Variants in TTC17 observed in about 807,000 individuals in gnomAD.
TTC17 encodes tetratricopeptide repeat domain 17.
A neutral mutation model predicts 143.8 loss-of-function variants in TTC17; 58 were observed. That is an observed-to-expected ratio of 0.40 (90% CI 0.33 to 0.50). The LOEUF is 0.50. Ranked by LOEUF, TTC17 falls within the 20% of genes least tolerant of loss-of-function variation. The pLI, the probability that TTC17 is intolerant of heterozygous loss-of-function variation, is 0.49. For missense variants in TTC17, 1,273 were observed against 1,392.5 expected (o/e 0.91, Z 1.37); for synonymous variants, 501 against 497.8 (o/e 1.01, Z -0.09).
At position 43,391,822 on chromosome 11, in the gene TTC17, G is replaced by C. The variant is rs746863171; in HGVS notation, c.533G>C (p.Gly178Ala). 6.2e-7 allele frequency: 1 copy of C among 1,611,866 alleles called. No homozygotes were observed. Among genetic ancestry groups the C allele is most frequent in the Non-Finnish European group, 8.5e-7 (1 of 1,179,518 alleles). Residue 178 changes from glycine (G) to alanine (A), a missense_variant and splice_region_variant, in exon 5 of 24, where the codon GGT becomes GCT. Gly to Ala is a moderately conservative substitution (Grantham distance 60). Around this residue, in one of 3 missense-constraint regions of TTC17, gnomAD observed 325 missense variants for 444.2 expected, o/e 0.73. Transcript: ENST00000039989. ...YSIHAFQHLR[G>A]VQERVNLSAP... ...TTTGAATCTTTTTCTTCTCTTCAGG[G>C]TGTACAGGAGAGAGTTAATCTTTCT...
intron 21 of TTC17, among the ~76,000 whole-genome samples, chr11:43,485,828 G>A (rs374096458): frequency 1.3e-5 from 2 of 150,750 alleles, no homozygotes; most frequent in Non-Finnish European, 2.9e-5. Context: ...TGTGAATGGG[G>A]TTGTATGTTG....
chr11:43,430,274 A>G (rs761467574), intron 16 of TTC17, among the ~76,000 whole-genome samples: 14 of 152,074 alleles, frequency 9.2e-5, no homozygotes, highest in Non-Finnish European at 1.9e-4. Context: ...CAAAAATTAC[A>G]AAAATTAGCC....
chr11:43,483,478 G>T (rs1324635273), intron 21 of TTC17, among the ~76,000 whole-genome samples: 1 of 152,040 alleles, frequency 6.6e-6, no homozygotes, highest in African/African-American at 2.4e-5. Flanking sequence ...TAAGCAAAAT[G>T]TTAACAGACT....
intron 2 of TTC17, among the ~76,000 whole-genome samples, chr11:43,383,718 A>G (rs1012706297): frequency 7.2e-5 from 11 of 152,110 alleles, no homozygotes; most frequent in African/African-American, 2.7e-4. Context: ...TTGAATGCAG[A>G]CTGAATATTT....
chr11:43,467,662 A>G (rs1590472464), intron 21 of TTC17, among the ~76,000 whole-genome samples: 1 of 152,218 alleles, frequency 6.6e-6, no homozygotes, highest in African/African-American at 2.4e-5. Flanking sequence ...ATGCGTTTTC[A>G]CTACAATAAC....
At chr11:43,390,091 A>G (rs1008130440) in intron 3 of TTC17, among the ~76,000 whole-genome samples, 1 of 152,098 alleles carries the variant, frequency 6.6e-6, no homozygotes, top group East Asian at 1.9e-4. Context: ...AAGATTGCCA[A>G]CAGCCAGGAG....
At chr11:43,399,647 C>A (rs1443545050) in intron 8 of TTC17, among the ~76,000 whole-genome samples, 1 of 152,136 alleles carries the variant, frequency 6.6e-6, no homozygotes, top group Non-Finnish European at 1.5e-5. Flanking sequence ...TCAGGCCTCT[C>A]CATCCAGCCT....
At position 43,381,368 on chromosome 11, in the gene TTC17, T is replaced by C. The variant is rs538654573; in HGVS notation, c.249+2046T>C. Among the ~76,000 whole-genome samples, 20 of 152,262 alleles carry C rather than the reference T, an allele frequency of 1.3e-4. No individual in the cohort carries two copies. In the East Asian group the frequency reaches 3.7e-3, roughly 28 times the overall value. Reference sequence around the variant, plus strand: ...GAATGTGGCCAAAGCTACCGACCTTTTGGGCTCCAAGGCCAGGAGCAGACT... The same window carrying C: ...GAATGTGGCCAAAGCTACCGACCTTCTGGGCTCCAAGGCCAGGAGCAGACT... On this transcript the variant is annotated intron_variant, in intron 2 of 23. Transcript: ENST00000039989.
At chr11:43,365,784 A>C (rs1477041469) in intron 1 of TTC17, among the ~76,000 whole-genome samples, 2 of 152,216 alleles carry the variant, frequency 1.3e-5, no homozygotes, top group Admixed American at 6.5e-5. Context: ...CATTTTTATC[A>C]AACTCCTTGG....
At chr11:43,443,235 A>G in intron 16 of TTC17, 90 bp from the exon 17 acceptor site, 1 of 1,509,776 alleles carries the variant, frequency 6.6e-7, no homozygotes, top group East Asian at 2.3e-5. Context: ...GCAGAGCCAA[A>G]ACGTTTCTCC....
intron 1 of TTC17, among the ~76,000 whole-genome samples, chr11:43,364,996 G>C (rs551813924): frequency 1.1e-4 from 16 of 151,838 alleles, no homozygotes; most frequent in African/African-American, 3.9e-4. Flanking sequence ...GTAGAGACAG[G>C]GTTTCTCCTG....
intron 1 of TTC17, among the ~76,000 whole-genome samples, chr11:43,375,646 A>G (rs972791650): frequency 1.4e-5 from 2 of 144,814 alleles, no homozygotes; most frequent in Non-Finnish European, 3.0e-5. Context: ...AATACCATTT[A>G]AAAAAAAAAA....
chr11:43,399,856 C>CT (rs1241448169), intron 8 of TTC17, 32 bp from the exon 9 acceptor site: 5 of 1,570,380 alleles, frequency 3.2e-6, no homozygotes, highest in Non-Finnish European at 4.3e-6. Flanking sequence ...TTTTATAGCT[C>CT]TAACTTTTTC....
chr11:43,484,797 G>A (rs1240753670), intron 21 of TTC17, among the ~76,000 whole-genome samples: 5 of 152,256 alleles, frequency 3.3e-5, no homozygotes, highest in Middle Eastern at 3.4e-3. Flanking sequence ...CCCAGGCCAC[G>A]GATGGGTACT....
At chr11:43,377,829 T>A (rs1856818496) in intron 1 of TTC17, among the ~76,000 whole-genome samples, 1 of 152,230 alleles carries the variant, frequency 6.6e-6, no homozygotes, top group Non-Finnish European at 1.5e-5. Flanking sequence ...TTTATCTCAT[T>A]TTTTCTTTCT....
intron 18 of TTC17, 145 bp from the exon 19 acceptor site, chr11:43,447,857 C>A (rs1947577743): frequency 1.0e-6 from 1 of 956,404 alleles, no homozygotes; most frequent in Non-Finnish European, 1.5e-6. Context: ...TTAATTAGAT[C>A]ATAGATGGGG....
intron 5 of TTC17, among the ~76,000 whole-genome samples, chr11:43,393,078 C>G (rs1450165664): frequency 6.6e-6 from 1 of 152,214 alleles, no homozygotes; most frequent in Non-Finnish European, 1.5e-5. Flanking sequence ...ACACTTCTGA[C>G]ACCAAATGTA....
chr11:43,422,180 TGAAA>T (rs1186939928), intron 16 of TTC17, among the ~76,000 whole-genome samples: 5 of 152,000 alleles, frequency 3.3e-5, no homozygotes, highest in African/African-American at 4.8e-5. Context: ...ATATGGGAAA[TGAAA>T]GAAAGAGAGG....
rs1238013174 is a variant in TTC17 at position 43,391,898 on chromosome 11, G to A, written c.609G>A (p.Arg203=). 3.1e-6 allele frequency: 5 copies of A among 1,613,492 alleles called. No homozygotes were observed. The South Asian group carries it at 4.4e-5, about 14-fold the overall frequency. Residue 203 remains arginine, a synonymous_variant, in exon 5 of 24, where the codon CGG becomes CGA. Coordinates refer to ENST00000039989, the MANE Select transcript of TTC17 (RefSeq NM_018259.6). The part of the protein sequence containing the change: ...EDPIFTYLSK[R]LGRSIDDIGH... ...CAATCTTCACATATTTATCTAAACGGTTAGGAAGGAGTATAGATGACATAG... is the reference window on the plus strand; with the variant it reads ...CAATCTTCACATATTTATCTAAACGATTAGGAAGGAGTATAGATGACATAG...
Sources: gnomAD v4.1 joint callset for allele counts (sites outside exome capture counted in the v4.1 genomes callset) on GRCh38, gnomAD v4.1.1 for gene constraint, gnomAD v4.1.1 regional missense constraint, MANE v1.5 for transcripts, NCBI Gene and HGNC (gene_info 2026-07-23, HGNC 2026-07-21) for gene names.